The following UPP2 variants were observed in gnomAD, a reference collection of about 807,000 sequenced individuals.
UPP2 encodes the protein UPase 2.
A neutral mutation model predicts 26.7 loss-of-function variants in UPP2; 23 were observed. That is an observed-to-expected ratio of 0.86 (90% CI 0.62 to 1.22). The LOEUF (loss-of-function observed/expected upper bound fraction) is 1.22, where lower values mean the gene tolerates loss of function less well. UPP2 is among the 50% of genes most tolerant of loss of function. UPP2 has a pLI of 0.00. For missense variants in UPP2, 387 were observed against 396.7 expected, an observed-to-expected ratio of 0.98 and a Z score of 0.21; for synonymous variants, 127 against 141.3, an observed-to-expected ratio of 0.90 and a Z score of 0.72.
chr2:158,029,137 G>T (rs920689046), intron 3 of UPP2, among the ~76,000 whole-genome samples: 3 of 152,096 alleles, frequency 2.0e-5, no homozygotes, highest in Admixed American at 6.5e-5. Context: ...AAGTCTGAAT[G>T]GTTCAATGGT....
intron 3 of UPP2, among the ~76,000 whole-genome samples, chr2:158,021,030 T>C (rs1484542613): frequency 6.6e-6 from 1 of 152,172 alleles, no homozygotes; most frequent in African/African-American, 2.4e-5. Flanking sequence ...TCAGCCTTTA[T>C]TGGGCCATGA....
chr2:158,105,496 C>T (rs772055277), intron 1 of UPP2, among the ~76,000 whole-genome samples: 17 of 152,158 alleles, frequency 1.1e-4, no homozygotes, highest in African/African-American at 2.2e-4. Flanking sequence ...AATGCAAATT[C>T]GGACACACAT....
At chr2:158,106,339 C>A in intron 2 of UPP2, 123 bp downstream of exon 2, 2 of 741,424 alleles carry the variant, frequency 2.7e-6, no homozygotes, top group Middle Eastern at 3.2e-4. Context: ...TGAAGTCACA[C>A]TCATTCTCTG....
chr2:158,089,415 G>A (rs1345873067), intron 3 of UPP2, among the ~76,000 whole-genome samples: 1 of 152,200 alleles, frequency 6.6e-6, no homozygotes, highest in Non-Finnish European at 1.5e-5. Context: ...TCCTGGTTTA[G>A]AAAGCAAGCA....
intron 2 of UPP2, among the ~76,000 whole-genome samples, chr2:158,110,931 G>A (rs1040916699): frequency 6.6e-6 from 1 of 151,924 alleles, no homozygotes; most frequent in African/African-American, 2.4e-5. Context: ...TAAGTAGATT[G>A]CAAAAATTTT....
chr2:158,023,669 G>A (rs1683790845), intron 3 of UPP2, among the ~76,000 whole-genome samples: 1 of 152,070 alleles, frequency 6.6e-6, no homozygotes, highest in Non-Finnish European at 1.5e-5. Context: ...GAGTTGGGTG[G>A]GGGTGATGGA....
Position 158,123,877 on chromosome 2 carries a change from G to A in UPP2, c.793G>A (p.Gly265Arg), listed in dbSNP as rs181975602. The A allele has an allele frequency of 1.2e-6, 2 of 1,613,530 alleles. No homozygotes were observed. Among genetic ancestry groups the A allele is most frequent in the East Asian group, 2.2e-5 (1 of 44,866 alleles). ...MESTVFAAMC[G>R]LCGLKAAVVC... ...ATCTACAGTGTTTGCAGCTATGTGT[G>A]GACTCTGTGGTCTAAAAGGTAAGCT... Residue 265 changes from glycine (G) to arginine (R), a missense_variant, in exon 6 of 7, where the codon GGA (glycine) becomes AGA (arginine). By Grantham distance (125) the Gly-to-Arg change is moderately radical. Coordinates refer to ENST00000005756, the MANE Select transcript of UPP2 (RefSeq NM_173355.4).
At chr2:157,997,244 CTA>C (rs1683336187) in intron 2 of UPP2, among the ~76,000 whole-genome samples, 1 of 151,956 alleles carries the variant, frequency 6.6e-6, no homozygotes, top group Middle Eastern at 3.2e-3. Flanking sequence ...TTTGGACCTC[CTA>C]TTTTTTTTTA....
In UPP2 at chr2:158,106,172, G is replaced by C; in HGVS notation, c.136G>C (p.Gly46Arg). Reference protein sequence around the residue: ...DEDILYHLDLGTKTHNLPAMF... With the variant: ...DEDILYHLDLRTKTHNLPAMF... ...AGACATTCTCTATCACTTGGATTTG[G>C]GAACAAAAACACACAACCTACCAGC... The change falls in exon 2 of 7, where the codon GGA becomes CGA. Residue 46 changes from glycine to arginine, a missense_variant. Transcript: ENST00000005756. 1 of 1,610,716 alleles carries C rather than the reference G, an allele frequency of 6.2e-7. No homozygotes were observed. The highest frequency in any genetic ancestry group is 1.1e-5 in the South Asian group (1 of 90,446).
intron 6 of UPP2, among the ~76,000 whole-genome samples, chr2:158,131,037 C>G (rs139297054): frequency 1.3e-5 from 2 of 152,098 alleles, no homozygotes; most frequent in Admixed American, 6.6e-5. Flanking sequence ...AATGTTTCAG[C>G]GGAGATACAG....
chr2:158,049,916 C>T (rs1256675856), intron 3 of UPP2, among the ~76,000 whole-genome samples: 2 of 152,156 alleles, frequency 1.3e-5, no homozygotes, highest in Admixed American at 6.5e-5. Context: ...AGCAAAATAG[C>T]TCTTATGTGA....
At chr2:158,012,736 A>G (rs1182390213) in intron 2 of UPP2, among the ~76,000 whole-genome samples, 1 of 152,196 alleles carries the variant, frequency 6.6e-6, no homozygotes, top group African/African-American at 2.4e-5. Context: ...AGAAAATACT[A>G]ATACATAGAA....
intron 3 of UPP2, among the ~76,000 whole-genome samples, chr2:158,063,030 A>G (rs1682377564): frequency 6.6e-6 from 1 of 152,218 alleles, no homozygotes; most frequent in Non-Finnish European, 1.5e-5. Flanking sequence ...TGACAAACAC[A>G]GTTTCACAAT....
intron 3 of UPP2, among the ~76,000 whole-genome samples, chr2:158,082,042 G>C (rs1319371977): frequency 6.6e-6 from 1 of 151,738 alleles, no homozygotes; most frequent in Non-Finnish European, 1.5e-5. Context: ...CCACCTCCTG[G>C]GTTCAAGCAA....
chr2:158,033,287 G>C (rs1029777284), intron 3 of UPP2, among the ~76,000 whole-genome samples: 3 of 152,160 alleles, frequency 2.0e-5, no homozygotes, highest in African/African-American at 7.2e-5. Flanking sequence ...TCCACTCCCA[G>C]GGAGGTCTCT....
chr2:158,070,233 T>C (rs544614975), intron 3 of UPP2, among the ~76,000 whole-genome samples: 1 of 152,346 alleles, frequency 6.6e-6, no homozygotes, highest in East Asian at 1.9e-4. Flanking sequence ...GTGTGGACTC[T>C]GTCTCATGAA....
chr2:158,056,506 C>T (rs2105175222), intron 3 of UPP2, among the ~76,000 whole-genome samples: 2 of 152,304 alleles, frequency 1.3e-5, no homozygotes, highest in South Asian at 4.1e-4. Context: ...TATTGTCTTA[C>T]AGAGGCTAGA....
intron 5 of UPP2, 139 bp downstream of exon 5, chr2:158,121,757 T>C: frequency 1.3e-6 from 1 of 754,684 alleles, no homozygotes; most frequent in South Asian, 1.9e-5. Flanking sequence ...ACAGCCTTTT[T>C]TACTTACTAA....
intron 3 of UPP2, among the ~76,000 whole-genome samples, chr2:158,061,182 C>T (rs761038424): frequency 1.3e-5 from 2 of 152,226 alleles, no homozygotes; most frequent in Non-Finnish European, 2.9e-5. Context: ...ATTATTATCT[C>T]TGAACTGGAT....
Sources: gnomAD v4.1 joint callset for allele counts (sites outside exome capture counted in the v4.1 genomes callset) on GRCh38, gnomAD v4.1.1 for gene constraint, MANE v1.5 for transcripts, NCBI Gene and HGNC (gene_info 2026-07-23, HGNC 2026-07-21) for gene names.